ANKS1B: variants seen among roughly 807,000 people sequenced by gnomAD.
The protein encoded by ANKS1B is ankyrin repeat and sterile alpha motif domain-containing protein 1B.
A neutral mutation model predicts 148.3 loss-of-function variants in ANKS1B; 36 were observed. The ratio of observed to expected loss-of-function variants is 0.24; its 90% confidence interval spans 0.19 to 0.32. ANKS1B has a LOEUF of 0.32. Among genes scored for constraint, ANKS1B ranks in the 10% least tolerant of loss-of-function variants. The probability of loss-of-function intolerance (pLI) is 1.00; values close to 1 mark genes in which losing one functional copy is unlikely to be tolerated. For missense variants in ANKS1B, 1,157 were observed against 1,542.6 expected, an observed-to-expected ratio of 0.75 and a Z score of 4.19; for synonymous variants, 542 against 560.8, an observed-to-expected ratio of 0.97 and a Z score of 0.47.
At chr12:99,390,204 C>T (rs1173723283) in intron 12 of ANKS1B, among the ~76,000 whole-genome samples, 1 of 152,142 alleles carries the variant, frequency 6.6e-6, no homozygotes, top group Non-Finnish European at 1.5e-5. Context: ...ATGTAGTTTG[C>T]AGTTAATGGC....
chr12:99,739,342 TG>T (rs572176200), intron 8 of ANKS1B, among the ~76,000 whole-genome samples: 4 of 124,222 alleles, frequency 3.2e-5, no homozygotes, highest in African/African-American at 1.3e-4. Flanking sequence ...GGGTTTTTTT[TG>T]GGGGGGGCGG....
At chr12:99,420,786 T>A (rs1429297193) in intron 11 of ANKS1B, among the ~76,000 whole-genome samples, 1 of 152,140 alleles carries the variant, frequency 6.6e-6, no homozygotes, top group Non-Finnish European at 1.5e-5. Context: ...TGGATTTCCC[T>A]CAAGGAAACA....
chr12:99,516,638 G>A (rs183092018), intron 9 of ANKS1B, among the ~76,000 whole-genome samples: 4 of 152,014 alleles, frequency 2.6e-5, no homozygotes, highest in South Asian at 2.1e-4. Context: ...ATGCATGTGG[G>A]GCTTAACACC....
chr12:99,235,065 C>T (rs1203246723), intron 14 of ANKS1B, among the ~76,000 whole-genome samples: 1 of 152,094 alleles, frequency 6.6e-6, no homozygotes, highest in Non-Finnish European at 1.5e-5. Context: ...TCTCCACTTT[C>T]ATTTTAACTA....
At chr12:99,798,303 TG>T (rs1448632181) in intron 4 of ANKS1B, among the ~76,000 whole-genome samples, 1 of 151,614 alleles carries the variant, frequency 6.6e-6, no homozygotes, top group East Asian at 1.9e-4. Flanking sequence ...TTGTAACAAC[TG>T]GTAAATAAAG....
chr12:99,305,971 AAC>A (rs2082287355), intron 12 of ANKS1B, among the ~76,000 whole-genome samples: 1 of 152,132 alleles, frequency 6.6e-6, no homozygotes, highest in South Asian at 2.1e-4. Flanking sequence ...CCATTTCCAT[AAC>A]AGAAATTTAA....
At chr12:99,697,315 C>T (rs975402048) in intron 8 of ANKS1B, among the ~76,000 whole-genome samples, 1 of 152,134 alleles carries the variant, frequency 6.6e-6, no homozygotes, top group Non-Finnish European at 1.5e-5. Context: ...CATAATTACC[C>T]AAACTTGGAA....
chr12:98,750,009 G>C (rs2153388107), intron 26 of ANKS1B, among the ~76,000 whole-genome samples: 1 of 152,260 alleles, frequency 6.6e-6, no homozygotes, highest in South Asian at 2.1e-4. Context: ...CTGTGGGGTG[G>C]GGAAGTTGGT....
chr12:99,148,789 G>A (rs2074019530), intron 15 of ANKS1B, among the ~76,000 whole-genome samples: 1 of 152,032 alleles, frequency 6.6e-6, no homozygotes, highest in Non-Finnish European at 1.5e-5. Flanking sequence ...ATTCCTGCTT[G>A]GCTTTGACTT....
intron 1 of ANKS1B, among the ~76,000 whole-genome samples, chr12:99,835,254 A>C (rs1211094861): frequency 1.3e-5 from 2 of 151,244 alleles, no homozygotes; most frequent in Non-Finnish European, 3.0e-5. Flanking sequence ...TCTACAAAAA[A>C]AAAAAAAAAA....
intron 4 of ANKS1B, among the ~76,000 whole-genome samples, chr12:99,796,192 C>T (rs1227026607): frequency 6.6e-6 from 1 of 151,962 alleles, no homozygotes; most frequent in Non-Finnish European, 1.5e-5. Context: ...GTAGTGTCTA[C>T]AGCACAGAGA....
intron 1 of ANKS1B, among the ~76,000 whole-genome samples, chr12:99,899,860 A>T (rs2153766134): frequency 6.6e-6 from 1 of 152,146 alleles, no homozygotes; most frequent in East Asian, 1.9e-4. Flanking sequence ...TGTTTCCAGG[A>T]TATGGATTGG....
At chr12:98,912,205 T>C (rs1419086868) in intron 17 of ANKS1B, among the ~76,000 whole-genome samples, 1 of 152,128 alleles carries the variant, frequency 6.6e-6, no homozygotes, top group Non-Finnish European at 1.5e-5. Context: ...TTACTCAGGG[T>C]CACTGGTAAA....
chr12:99,579,492 C>A (rs1376561733), intron 9 of ANKS1B, among the ~76,000 whole-genome samples: 1 of 151,794 alleles, frequency 6.6e-6, no homozygotes, highest in African/African-American at 2.4e-5. Flanking sequence ...AGAAACATAA[C>A]AAAATCAACA....
chr12:99,707,340 T>C (rs1284995942), intron 8 of ANKS1B, among the ~76,000 whole-genome samples: 1 of 151,948 alleles, frequency 6.6e-6, no homozygotes, highest in African/African-American at 2.4e-5. Context: ...TAAAATTATC[T>C]CCCAAATATT....
intron 14 of ANKS1B, among the ~76,000 whole-genome samples, chr12:99,243,740 G>T (rs188525864): frequency 1.7e-3 from 264 of 152,284 alleles, no homozygotes; most frequent in Middle Eastern, 3.4e-3. Context: ...CATGGATGAA[G>T]CAGGAAACCA....
chr12:99,322,570 G>A (rs1269220677), intron 12 of ANKS1B, among the ~76,000 whole-genome samples: 6 of 151,846 alleles, frequency 4.0e-5, no homozygotes, highest in Non-Finnish European at 5.9e-5. Context: ...AAACAATATT[G>A]GCTTTGTATC....
intron 10 of ANKS1B, among the ~76,000 whole-genome samples, chr12:99,475,719 A>G (rs1424627948): frequency 6.6e-6 from 1 of 151,936 alleles, no homozygotes; most frequent in African/African-American, 2.4e-5. Flanking sequence ...AGTTAAAAAA[A>G]GAATGCCTGT....
At chr12:98,757,905 GAA>G (rs1459941165) in intron 25 of ANKS1B, among the ~76,000 whole-genome samples, 1 of 143,316 alleles carries the variant, frequency 7.0e-6, no homozygotes, top group African/African-American at 2.6e-5. Flanking sequence ...GACCACCAGT[GAA>G]AGAGAGCTGC....
Sources: allele counts gnomAD v4.1 joint callset (sites outside exome capture counted in the v4.1 genomes callset), GRCh38; gene constraint gnomAD v4.1.1; transcripts MANE v1.5; gene names NCBI Gene and HGNC (gene_info 2026-07-23, HGNC 2026-07-21).